C3orf70: variants seen among roughly 807,000 people sequenced by gnomAD.
C3orf70 encodes chromosome 3 open reading frame 70.
In C3orf70, 15 loss-of-function variants were observed where a neutral mutation model predicts 20.7. That is an observed-to-expected ratio of 0.72 (90% CI 0.48 to 1.11). C3orf70 has a LOEUF of 1.11. Ranked by LOEUF, C3orf70 falls within the 50% of genes most tolerant of loss-of-function variation. C3orf70 has a pLI of 0.00. For missense variants in C3orf70, 332 were observed against 317.6 expected, an observed-to-expected ratio of 1.05 and a Z score of -0.34; for synonymous variants, 161 against 125.7, an observed-to-expected ratio of 1.28 and a Z score of -1.88.
At chr3:185,145,134 T>C (rs758755846) in intron 1 of C3orf70, among the ~76,000 whole-genome samples, 7 of 152,278 alleles carry the variant, frequency 4.6e-5, no homozygotes, top group Non-Finnish European at 8.8e-5. Context: ...CCTGTGTTCC[T>C]ATACTGATTT....
intron 1 of C3orf70, among the ~76,000 whole-genome samples, chr3:185,133,038 A>G (rs533522136): frequency 7.2e-5 from 11 of 152,364 alleles, no homozygotes; most frequent in Admixed American, 2.6e-4. Flanking sequence ...AGTCAGTGAA[A>G]ATATCTTTAA....
At chr3:185,104,488 G>A (rs1262209245) in intron 1 of C3orf70, among the ~76,000 whole-genome samples, 1 of 152,100 alleles carries the variant, frequency 6.6e-6, no homozygotes, top group Non-Finnish European at 1.5e-5. Context: ...ATACCCAAAG[G>A]AATATAAAAT....
intron 1 of C3orf70, among the ~76,000 whole-genome samples, chr3:185,128,780 T>C (rs754389231): frequency 3.9e-5 from 6 of 152,202 alleles, no homozygotes; most frequent in Admixed American, 1.3e-4. Context: ...GTGAATTTCC[T>C]TCTATCAAAC....
At chr3:185,134,396 C>T (rs1443615541) in intron 1 of C3orf70, among the ~76,000 whole-genome samples, 2 of 152,234 alleles carry the variant, frequency 1.3e-5, no homozygotes, top group African/African-American at 4.8e-5. Context: ...ATAAAACAAA[C>T]AGAAAAAGAC....
chr3:185,135,169 T>C (rs1011059273), intron 1 of C3orf70, among the ~76,000 whole-genome samples: 11 of 151,906 alleles, frequency 7.2e-5, no homozygotes, highest in African/African-American at 2.7e-4. Flanking sequence ...AATCAACAGA[T>C]GCCAATACTG....
chr3:185,115,142 T>C (rs1479641246), intron 1 of C3orf70, among the ~76,000 whole-genome samples: 1 of 151,506 alleles, frequency 6.6e-6, no homozygotes, highest in Non-Finnish European at 1.5e-5. Flanking sequence ...GGGATGGTAC[T>C]CTGGCATATA....
intron 1 of C3orf70, among the ~76,000 whole-genome samples, chr3:185,119,405 CA>C (rs1716245919): frequency 2.0e-5 from 3 of 152,110 alleles, no homozygotes; most frequent in African/African-American, 7.2e-5. Context: ...GTAATCCCGG[CA>C]TTTTGGGAGG....
chr3:185,113,123 G>T (rs1039971968), intron 1 of C3orf70, among the ~76,000 whole-genome samples: 1 of 151,858 alleles, frequency 6.6e-6, no homozygotes, highest in Admixed American at 6.6e-5. Context: ...CTATACTAAA[G>T]AAAAGATCTA....
At position 185,077,272 on chromosome 3, in the gene C3orf70, G is replaced by A. The variant is rs1302687216; in HGVS notation, c.*5735C>T. On this transcript the variant is annotated 3_prime_UTR_variant, in exon 2 of 2. Coordinates refer to ENST00000335012, the MANE Select transcript of C3orf70 (RefSeq NM_001025266.3). ...GGGAAGGTATCTGCTGGGTTAGGGG[G>A]ATGGAGTAATGCAGACAATGGGCCA... Among the ~76,000 whole-genome samples, 2 of 152,248 alleles carry A rather than the reference G, an allele frequency of 1.3e-5. No homozygotes were observed. Among genetic ancestry groups the A allele is most frequent in the East Asian group, 3.9e-4 (2 of 5,182 alleles).
chr3:185,113,502 G>C (rs1028492374), intron 1 of C3orf70, among the ~76,000 whole-genome samples: 3 of 152,050 alleles, frequency 2.0e-5, no homozygotes, highest in Admixed American at 6.6e-5. Context: ...GAAAAAGTCA[G>C]GAAAACTTAT....
chr3:185,083,587 T>A (rs774382192), intron 1 of C3orf70, 24 bp from the exon 2 acceptor site: 1 of 1,537,418 alleles, frequency 6.5e-7, no homozygotes, highest in Admixed American at 2.0e-5. Flanking sequence ...AAAAGACACT[T>A]GAAATCTATA....
chr3:185,106,211 T>G (rs540442269), intron 1 of C3orf70, among the ~76,000 whole-genome samples: 12 of 152,172 alleles, frequency 7.9e-5, no homozygotes, highest in Non-Finnish European at 1.5e-4. Flanking sequence ...AGTTCCCTGT[T>G]AGAATACACC....
chr3:185,086,619 A>C (rs1207285041), intron 1 of C3orf70, among the ~76,000 whole-genome samples: 1 of 152,212 alleles, frequency 6.6e-6, no homozygotes, highest in Non-Finnish European at 1.5e-5. Flanking sequence ...TGTTTAAGCC[A>C]CCCAGTCTGT....
intron 1 of C3orf70, among the ~76,000 whole-genome samples, chr3:185,102,125 A>C (rs2108592816): frequency 6.6e-6 from 1 of 152,294 alleles, no homozygotes; most frequent in East Asian, 1.9e-4. Context: ...GAGGAAATCA[A>C]ACTATCCCTG....
At chr3:185,124,949 C>A (rs1415464603) in intron 1 of C3orf70, among the ~76,000 whole-genome samples, 1 of 152,140 alleles carries the variant, frequency 6.6e-6, no homozygotes, top group African/African-American at 2.4e-5. Context: ...ATTAAAACTA[C>A]AATGAAATAC....
intron 1 of C3orf70, among the ~76,000 whole-genome samples, chr3:185,129,125 T>A (rs1319329256): frequency 6.6e-6 from 1 of 152,286 alleles, no homozygotes; most frequent in East Asian, 1.9e-4. Flanking sequence ...CAGTTTTTAT[T>A]TTAGATACAG....
At chr3:185,138,647 A>G (rs980758089) in intron 1 of C3orf70, among the ~76,000 whole-genome samples, 7 of 152,252 alleles carry the variant, frequency 4.6e-5, no homozygotes, top group African/African-American at 1.7e-4. Flanking sequence ...AGGAAAAATT[A>G]CATGATCCTA....
chr3:185,119,710 G>C (rs1170845911), intron 1 of C3orf70, among the ~76,000 whole-genome samples: 1 of 151,700 alleles, frequency 6.6e-6, no homozygotes, highest in Non-Finnish European at 1.5e-5. Context: ...CTGCATCTTA[G>C]GGAATTTGGG....
chr3:185,152,604 G>T, intron 1 of C3orf70, 24 bp downstream of exon 1: 1 of 1,528,880 alleles, frequency 6.5e-7, no homozygotes, highest in Non-Finnish European at 8.8e-7. Context: ...GCGGCGGAAG[G>T]CGGGAAGACG....
Sources: gnomAD v4.1 joint callset for allele counts (sites outside exome capture counted in the v4.1 genomes callset) on GRCh38, gnomAD v4.1.1 for gene constraint, MANE v1.5 for transcripts, NCBI Gene and HGNC (gene_info 2026-07-23, HGNC 2026-07-21) for gene names.